The following MARCHF1 variants were observed in gnomAD, a reference collection of about 807,000 sequenced individuals.
MARCHF1 encodes the protein membrane associated ring-CH-type finger 1.
MARCHF1 carries 40 observed loss-of-function variants against 54.2 expected under a neutral mutation model. The observed-to-expected ratio is 0.74, with a 90% CI of 0.57 to 0.96. MARCHF1 has a LOEUF of 0.96. Among genes scored for constraint, MARCHF1 ranks in the 40% least tolerant of loss-of-function variants. The probability of loss-of-function intolerance (pLI) is 0.00; values close to 1 mark genes in which losing one functional copy is unlikely to be tolerated. For missense variants in MARCHF1, 586 were observed against 656.5 expected, an observed-to-expected ratio of 0.89 and a Z score of 1.17; for synonymous variants, 236 against 236.3, an observed-to-expected ratio of 1.00 and a Z score of 0.01.
At chr4:164,335,269 A>C (rs2110820117) in intron 1 of MARCHF1, among the ~76,000 whole-genome samples, 1 of 152,298 alleles carries the variant, frequency 6.6e-6, no homozygotes, top group Non-Finnish European at 1.5e-5. Context: ...TCAATTTATG[A>C]GAAAAAAATT....
At chr4:163,787,995 T>C (rs990637667) in intron 4 of MARCHF1, among the ~76,000 whole-genome samples, 1 of 151,998 alleles carries the variant, frequency 6.6e-6, no homozygotes, top group Non-Finnish European at 1.5e-5. Context: ...AAATATTGTA[T>C]ACTTTGACGT....
At chr4:163,684,557 T>G (rs1267696630) in intron 5 of MARCHF1, among the ~76,000 whole-genome samples, 1 of 152,210 alleles carries the variant, frequency 6.6e-6, no homozygotes, top group Admixed American at 6.5e-5. Flanking sequence ...TATTCTGTAT[T>G]TCATTTCTAA....
intron 1 of MARCHF1, among the ~76,000 whole-genome samples, chr4:164,116,406 C>T (rs1755940862): frequency 6.6e-6 from 1 of 152,132 alleles, no homozygotes; most frequent in African/African-American, 2.4e-5. Flanking sequence ...CTCCATTGCA[C>T]TGAATATTCT....
chr4:163,734,975 T>C (rs1425378810), intron 4 of MARCHF1, among the ~76,000 whole-genome samples: 1 of 152,198 alleles, frequency 6.6e-6, no homozygotes, highest in Non-Finnish European at 1.5e-5. Flanking sequence ...ATCTGGCTCC[T>C]TGCTAGTGTT....
At chr4:164,108,782 A>G (rs968449486) in intron 2 of MARCHF1, among the ~76,000 whole-genome samples, 1 of 152,122 alleles carries the variant, frequency 6.6e-6, no homozygotes, top group African/African-American at 2.4e-5. Context: ...CTAAGCTAAA[A>G]TTGCTAATTT....
intron 4 of MARCHF1, among the ~76,000 whole-genome samples, chr4:163,757,168 G>A (rs1746701683): frequency 6.6e-6 from 1 of 152,130 alleles, no homozygotes; most frequent in Admixed American, 6.6e-5. Context: ...GTGTAAACTG[G>A]CAAACACAAA....
At chr4:164,230,356 T>C (rs1297721215) in intron 1 of MARCHF1, among the ~76,000 whole-genome samples, 11 of 151,036 alleles carry the variant, frequency 7.3e-5, no homozygotes, top group East Asian at 3.9e-4. Context: ...GGTGGCGCCA[T>C]TGCACTCCAG....
At chr4:164,141,881 G>C (rs1013442307) in intron 1 of MARCHF1, among the ~76,000 whole-genome samples, 2 of 152,158 alleles carry the variant, frequency 1.3e-5, no homozygotes, top group African/African-American at 4.8e-5. Flanking sequence ...GCAGAAGACC[G>C]GTGATTTCTG....
chr4:164,252,006 A>C (rs1256994967), intron 1 of MARCHF1, among the ~76,000 whole-genome samples: 2 of 152,162 alleles, frequency 1.3e-5, no homozygotes, highest in Non-Finnish European at 2.9e-5. Flanking sequence ...GCTAAGGGAG[A>C]AAATCTCTGA....
At chr4:163,999,740 C>A (rs1753149645) in intron 2 of MARCHF1, among the ~76,000 whole-genome samples, 1 of 151,308 alleles carries the variant, frequency 6.6e-6, no homozygotes, top group Non-Finnish European at 1.5e-5. Flanking sequence ...ATGTAGTAAG[C>A]ATTCTACATA....
chr4:163,867,527 G>A (rs1166876302), intron 3 of MARCHF1, among the ~76,000 whole-genome samples: 2 of 151,430 alleles, frequency 1.3e-5, no homozygotes, highest in African/African-American at 4.8e-5. Context: ...TAATTCAAAT[G>A]GTAGAAATAT....
At chr4:163,777,323 A>T (rs1747335002) in intron 4 of MARCHF1, among the ~76,000 whole-genome samples, 2 of 152,176 alleles carry the variant, frequency 1.3e-5, no homozygotes, top group South Asian at 4.1e-4. Flanking sequence ...TGATGAATCC[A>T]TATTTGTATC....
At chr4:163,768,850 G>A (rs116036845) in intron 4 of MARCHF1, among the ~76,000 whole-genome samples, 2,175 of 152,226 alleles carry the variant, frequency 0.014, 27 homozygotes, top group South Asian at 0.03. Flanking sequence ...AACATAGGGG[G>A]ATAGGATTAA....
intron 7 of MARCHF1, among the ~76,000 whole-genome samples, chr4:163,596,923 A>G (rs74748709): frequency 0.015 from 2,292 of 151,804 alleles, 51 homozygotes; most frequent in African/African-American, 0.052. Flanking sequence ...GGGAATCCAG[A>G]ATGATTCTTA....
intron 1 of MARCHF1, among the ~76,000 whole-genome samples, chr4:164,131,152 T>C (rs17579243): frequency 0.17 from 26,536 of 152,070 alleles, 3,039 homozygotes; most frequent in Non-Finnish European, 0.26. Flanking sequence ...TCCAAATTAA[T>C]GAAAACAAGC....
intron 5 of MARCHF1, among the ~76,000 whole-genome samples, chr4:163,643,640 A>G (rs1188514098): frequency 6.6e-6 from 1 of 152,226 alleles, no homozygotes; most frequent in East Asian, 1.9e-4. Context: ...AATGATTCCC[A>G]AATATCAACT....
At chr4:163,916,419 T>C (rs1301887489) in intron 3 of MARCHF1, among the ~76,000 whole-genome samples, 1 of 151,956 alleles carries the variant, frequency 6.6e-6, no homozygotes, top group South Asian at 2.1e-4. Context: ...CAGGTCAGAA[T>C]CTGAGAGGAG....
intron 1 of MARCHF1, among the ~76,000 whole-genome samples, chr4:164,149,565 A>G (rs1729875210): frequency 6.6e-6 from 1 of 152,030 alleles, no homozygotes; most frequent in Non-Finnish European, 1.5e-5. Flanking sequence ...TAATCAATAC[A>G]TTTTTTATTA....
chr4:164,107,224 GA>G lies in MARCHF1; in HGVS notation c.-248+4363del, dbSNP rs897567392. Among the ~76,000 whole-genome samples the G allele has an allele frequency of 8.6e-5, 13 of 151,990 alleles. 1 individual carries two copies. Among genetic ancestry groups the G allele is most frequent in the Admixed American group, 7.2e-4 (11 of 15,254 alleles). ...CATTTGTCATATATCAGTGGTTTTT[GA>G]CTCACAGTATACATTTTTCTTATCA... On this transcript the variant is annotated intron_variant, in intron 2 of 9. Coordinates refer to ENST00000514618, the MANE Select transcript of MARCHF1 (RefSeq NM_001394959.1).
Sources: gnomAD v4.1 joint callset for allele counts (sites outside exome capture counted in the v4.1 genomes callset) on GRCh38, gnomAD v4.1.1 for gene constraint, MANE v1.5 for transcripts, NCBI Gene and HGNC (gene_info 2026-07-23, HGNC 2026-07-21) for gene names.